NLN: variants seen among roughly 807,000 people sequenced by gnomAD.
NLN encodes the protein neurolysin, mitochondrial.
Under a neutral mutation model 79.9 loss-of-function variants are expected in NLN, and 64 were observed. The observed-to-expected ratio is 0.80, with a 90% CI of 0.65 to 0.99. NLN has a LOEUF of 0.99. Ranked by LOEUF, NLN falls within the 50% of genes least tolerant of loss-of-function variation. The pLI, the probability that NLN is intolerant of heterozygous loss-of-function variation, is 0.00. For synonymous variants in NLN, 267 were observed against 296.6 expected (o/e 0.90, Z 1.02); for missense variants, 835 against 858.7 (o/e 0.97, Z 0.34).
intron 12 of NLN, among the ~76,000 whole-genome samples, chr5:65,820,472 G>A (rs1760768211): frequency 6.6e-6 from 1 of 152,080 alleles, no homozygotes; most frequent in Admixed American, 6.6e-5. Flanking sequence ...TTCCTGTACT[G>A]CTCTACCCAG....
At chr5:65,761,544 A>G (rs1364544394) in intron 2 of NLN, among the ~76,000 whole-genome samples, 2 of 152,112 alleles carry the variant, frequency 1.3e-5, no homozygotes, top group African/African-American at 4.8e-5. Context: ...CACCTGCCTC[A>G]GCCTCCCAGA....
intron 4 of NLN, among the ~76,000 whole-genome samples, chr5:65,777,817 C>CA (rs1054782442): frequency 6.6e-6 from 1 of 151,970 alleles, no homozygotes; most frequent in Non-Finnish European, 1.5e-5. Context: ...ATTTGTGCAA[C>CA]AAAAAACAGA....
At position 65,792,474 on chromosome 5, in the gene NLN, C is replaced by G; in HGVS notation, c.1346C>G (p.Ala449Gly). The change falls in exon 9 of 13, where the codon GCG becomes GGG. Residue 449 changes from alanine (A) to glycine (G), a missense_variant. Physicochemically the swap from Ala to Gly is moderately conservative, Grantham distance 60 (BLOSUM62 0). Coordinates refer to ENST00000380985, the MANE Select transcript of NLN (RefSeq NM_020726.5). ...CCTAGGGAAGGAAAATACAATCATG[C>G]GGCCTGCTTCGGTCTCCAGCCTGGC... ...LYPREGKYNH[A>G]ACFGLQPGCL... is the part of the protein sequence containing the mutation. 6.2e-7 allele frequency: 1 copy of G among 1,613,524 alleles called. No homozygotes were observed. Among genetic ancestry groups the G allele is most frequent in the Non-Finnish European group, 8.5e-7 (1 of 1,179,628 alleles).
chr5:65,765,631 C>T (rs252640), intron 3 of NLN, among the ~76,000 whole-genome samples: 85,266 of 151,692 alleles, frequency 0.56, 24,286 homozygotes, highest in South Asian at 0.6. Context: ...ATTGCTTGTG[C>T]CCAGGAGGTT....
chr5:65,737,296 ATC>A lies in NLN; in HGVS notation c.41+14886_41+14887del, dbSNP rs545332784. ...AACTAATAAATCTCTAAACTAATAA[ATC>A]TCTAAATGGTAACATCATCTTAGCT... On this transcript the variant is annotated intron_variant, in intron 1 of 12. Coordinates refer to ENST00000380985, the MANE Select transcript of NLN (RefSeq NM_020726.5). Among the ~76,000 whole-genome samples the A allele has an allele frequency of 1.9e-4, 29 of 152,162 alleles. 1 individual carries two copies. The highest frequency in any genetic ancestry group is 6.7e-4 in the African/African-American group (28 of 41,514).
chr5:65,765,053 T>C (rs989804983), intron 3 of NLN, among the ~76,000 whole-genome samples: 2 of 152,198 alleles, frequency 1.3e-5, no homozygotes, highest in African/African-American at 4.8e-5. Flanking sequence ...TGTGATACTG[T>C]AAGTTAAATA....
intron 9 of NLN, among the ~76,000 whole-genome samples, chr5:65,800,171 A>G (rs1760252466): frequency 6.6e-6 from 1 of 152,220 alleles, no homozygotes; most frequent in Non-Finnish European, 1.5e-5. Flanking sequence ...ATTAAAAGCA[A>G]CTGTTCTCTT....
At chr5:65,738,108 G>C (rs943742781) in intron 1 of NLN, among the ~76,000 whole-genome samples, 2 of 148,322 alleles carry the variant, frequency 1.3e-5, no homozygotes, top group Non-Finnish European at 3.0e-5. Context: ...CAGCCTGGGT[G>C]ACAGAGCTAG....
chr5:65,757,694 T>C (rs1759250903), intron 1 of NLN, among the ~76,000 whole-genome samples: 1 of 152,208 alleles, frequency 6.6e-6, no homozygotes, highest in South Asian at 2.1e-4. Flanking sequence ...AAGACTGGTA[T>C]CATTATTCTA....
Position 65,823,226 on chromosome 5 carries a change from G to T in NLN, c.*311G>T, listed in dbSNP as rs1760839619. The T allele has an allele frequency of 9.6e-6, 2 of 209,004 alleles. No homozygotes were observed. The highest frequency in any genetic ancestry group is 4.7e-5 in the African/African-American group (2 of 42,880). The allele number at this position is 209,004 out of a possible 1,614,324, so 12.9% of individuals were successfully genotyped here. A position where few individuals can be genotyped will look rare whatever the true frequency, so the allele number is the denominator to read the frequency against. ...AATCTAGATAATATGATATAAGAGG[G>T]CTAAGAATTTTTAAATTGAATCATA... On this transcript the variant is annotated 3_prime_UTR_variant, in exon 13 of 13. Transcript: ENST00000380985.
At chr5:65,817,201 C>T (rs887169562) in intron 12 of NLN, among the ~76,000 whole-genome samples, 2 of 152,162 alleles carry the variant, frequency 1.3e-5, no homozygotes, top group Admixed American at 6.5e-5. Context: ...CTGGTTTTAT[C>T]TGTAGTTTTT....
intron 3 of NLN, among the ~76,000 whole-genome samples, chr5:65,765,291 G>A (rs1015016319): frequency 6.6e-6 from 1 of 152,224 alleles, no homozygotes; most frequent in African/African-American, 2.4e-5. Flanking sequence ...GCCAAGGCGG[G>A]TGGATCACGG....
chr5:65,815,123 G>A (rs964330032), intron 12 of NLN, among the ~76,000 whole-genome samples: 3 of 152,136 alleles, frequency 2.0e-5, no homozygotes, highest in African/African-American at 7.2e-5. Flanking sequence ...GGCAATCATT[G>A]GTGAGGCTTC....
intron 6 of NLN, among the ~76,000 whole-genome samples, chr5:65,785,222 T>C (rs1340945506): frequency 1.3e-5 from 2 of 152,268 alleles, no homozygotes; most frequent in Non-Finnish European, 2.9e-5. Context: ...ATGGTATAAT[T>C]TTTTTAGGAA....
At chr5:65,761,215 AT>A (rs1759330240) in intron 2 of NLN, among the ~76,000 whole-genome samples, 1 of 152,106 alleles carries the variant, frequency 6.6e-6, no homozygotes, top group African/African-American at 2.4e-5. Flanking sequence ...CCTGCATTTG[AT>A]GTTGCTTATA....
chr5:65,760,924 C>T (rs1579929741), intron 2 of NLN, among the ~76,000 whole-genome samples: 1 of 152,276 alleles, frequency 6.6e-6, no homozygotes, highest in South Asian at 2.1e-4. Context: ...TCTTGCTCCT[C>T]TATAAATTTA....
chr5:65,764,639 C>G (rs1014336925), intron 3 of NLN, among the ~76,000 whole-genome samples: 1 of 152,184 alleles, frequency 6.6e-6, no homozygotes, highest in African/African-American at 2.4e-5. Flanking sequence ...TGATAGACAC[C>G]AATGCGTTCA....
chr5:65,728,107 T>C (rs1758518474), intron 1 of NLN, among the ~76,000 whole-genome samples: 1 of 152,172 alleles, frequency 6.6e-6, no homozygotes, highest in Admixed American at 6.5e-5. Flanking sequence ...ATGACAGCAA[T>C]GCGTGTTCAT....
At chr5:65,802,962 G>C (rs1325274203) in intron 9 of NLN, among the ~76,000 whole-genome samples, 2 of 152,166 alleles carry the variant, frequency 1.3e-5, no homozygotes, top group African/African-American at 4.8e-5. Context: ...CTTTACAGCT[G>C]ATCGTCCCGA....
Sources: gnomAD v4.1 joint callset for allele counts (sites outside exome capture counted in the v4.1 genomes callset) on GRCh38, gnomAD v4.1.1 for gene constraint, MANE v1.5 for transcripts, NCBI Gene and HGNC (gene_info 2026-07-23, HGNC 2026-07-21) for gene names.